NUBPL: variants seen among roughly 807,000 people sequenced by gnomAD.
NUBPL encodes iron-sulfur cluster transfer protein NUBPL.
A neutral mutation model predicts 45.7 loss-of-function variants in NUBPL; 31 were observed. The observed-to-expected ratio is 0.68, with a 90% CI of 0.51 to 0.92. The LOEUF (loss-of-function observed/expected upper bound fraction) is 0.92, where lower values mean the gene tolerates loss of function less well. NUBPL is among the 40% of genes least tolerant of loss of function. NUBPL has a pLI of 0.00. For missense variants in NUBPL, 401 were observed against 398.7 expected, an observed-to-expected ratio of 1.01 and a Z score of -0.05; for synonymous variants, 144 against 140.9, an observed-to-expected ratio of 1.02 and a Z score of -0.15.
intron 6 of NUBPL, among the ~76,000 whole-genome samples, chr14:31,712,552 G>C (rs977558397): frequency 6.6e-6 from 1 of 152,212 alleles, no homozygotes; most frequent in African/African-American, 2.4e-5. Context: ...AGCCAGCTCC[G>C]GCCTCGGCCA....
chr14:31,826,561 C>T, intron 7 of NUBPL, 68 bp from the exon 8 acceptor site: 1 of 1,383,574 alleles, frequency 7.2e-7, no homozygotes. Context: ...ATGTAAGCAA[C>T]ATAATGCTGG....
intron 4 of NUBPL, among the ~76,000 whole-genome samples, chr14:31,616,912 AT>A (rs563790502): frequency 5.3e-4 from 80 of 151,372 alleles, no homozygotes; most frequent in Non-Finnish European, 9.7e-4. Flanking sequence ...TGAGCATGGA[AT>A]TTTTTTTTCC....
chr14:31,746,029 C>T (rs369910417), intron 6 of NUBPL, among the ~76,000 whole-genome samples: 5 of 151,996 alleles, frequency 3.3e-5, no homozygotes, highest in Admixed American at 6.5e-5. Flanking sequence ...CCCCTCACCC[C>T]GCTCAGCTGA....
rs78323274 is a variant in NUBPL, at chr14:31,668,573, A to C, written c.383-4782A>C. Among the ~76,000 whole-genome samples the C allele has an allele frequency of 2.7e-3, 415 of 152,184 alleles. 3 individuals carry two copies. Among genetic ancestry groups the C allele is most frequent in the African/African-American group, 9.2e-3 (383 of 41,528 alleles). ...TTTCAGGGGAGTGAACGGTTCTGTCACACTGGGGTTCCAGGTGCCATTGGG... is the reference window on the plus strand; with the variant it reads ...TTTCAGGGGAGTGAACGGTTCTGTCCCACTGGGGTTCCAGGTGCCATTGGG... On this transcript the variant is annotated intron_variant, in intron 4 of 10. Transcript: ENST00000281081.
chr14:31,686,804 A>T (rs1452066969), intron 6 of NUBPL: 3 of 152,294 alleles, frequency 2.0e-5, no homozygotes, highest in Admixed American at 6.5e-5. Context: ...AGCACTTGGG[A>T]TCTGTCCATA....
chr14:31,614,220 A>C (rs2034837873), intron 4 of NUBPL, among the ~76,000 whole-genome samples: 1 of 152,220 alleles, frequency 6.6e-6, no homozygotes, highest in Non-Finnish European at 1.5e-5. Flanking sequence ...CAAACAAATA[A>C]ATGATTGTAT....
intron 6 of NUBPL, among the ~76,000 whole-genome samples, chr14:31,712,957 C>T (rs2037610732): frequency 6.6e-6 from 1 of 151,974 alleles, no homozygotes. Flanking sequence ...AGCAGGTGAC[C>T]ACTTAGGAAC....
At chr14:31,827,732 C>T (rs1009804737) in intron 8 of NUBPL, among the ~76,000 whole-genome samples, 2 of 152,094 alleles carry the variant, frequency 1.3e-5, no homozygotes, top group African/African-American at 4.8e-5. Context: ...AAATTGTATG[C>T]CTACAAGTAT....
intron 3 of NUBPL, among the ~76,000 whole-genome samples, chr14:31,574,528 G>GTGC (rs1264212417): frequency 2.0e-5 from 3 of 150,024 alleles, no homozygotes; most frequent in African/African-American, 7.4e-5. Context: ...GCCTCCCAAA[G>GTGC]TGCTGGGATT....
intron 8 of NUBPL, among the ~76,000 whole-genome samples, chr14:31,838,279 C>CAAAAAAAAAAAA (rs748313330): frequency 9.0e-4 from 54 of 60,238 alleles, no homozygotes; most frequent in African/African-American, 1.2e-3. Flanking sequence ...TAATATCCAG[C>CAAAAAAAAAAAA]AAAAAAAAAA....
Position 31,561,450 on chromosome 14 carries a change from G to C in NUBPL, c.11G>C (p.Trp4Ser). 7.1e-7 allele frequency: 1 copy of C among 1,416,790 alleles called. No homozygotes were observed. Among genetic ancestry groups the C allele is most frequent in the South Asian group, 1.7e-5 (1 of 58,632 alleles). The allele number at this position is 1,416,790 out of a possible 1,614,324, so 87.8% of individuals were successfully genotyped here. A position where few individuals can be genotyped will look rare whatever the true frequency, so the allele number is the denominator to read the frequency against. Reference protein sequence around the residue: MGIWQRLLLFGGVS... With the variant: MGISQRLLLFGGVS... ...GCAGCGTTCCGCGTCATGGGGATTT[G>C]GCAGCGTCTGCTGCTTTTTGGTGGG... is the stretch of plus-strand genomic sequence containing the variant. Residue 4 changes from tryptophan (W) to serine (S), a missense_variant, in exon 1 of 11, where the codon TGG becomes TCG. By Grantham distance (177) the Trp-to-Ser change is radical. Transcript: ENST00000281081.
intron 4 of NUBPL, among the ~76,000 whole-genome samples, chr14:31,653,904 G>A (rs1166373905): frequency 6.6e-6 from 1 of 152,194 alleles, no homozygotes; most frequent in Admixed American, 6.5e-5. Flanking sequence ...TTCCTCTGCT[G>A]CGGCTCCAGC....
At chr14:31,826,999 G>C (rs1261344021) in intron 8 of NUBPL, among the ~76,000 whole-genome samples, 1 of 152,084 alleles carries the variant, frequency 6.6e-6, no homozygotes, top group Non-Finnish European at 1.5e-5. Context: ...AATTACAAGA[G>C]TGTTTTAGGA....
intron 7 of NUBPL, among the ~76,000 whole-genome samples, chr14:31,817,098 T>G (rs762215725): frequency 1.3e-5 from 2 of 151,918 alleles, no homozygotes; most frequent in African/African-American, 2.4e-5. Context: ...AAGATCAACT[T>G]AATGAAATAA....
chr14:31,828,412 A>G (rs1271561577), intron 8 of NUBPL, among the ~76,000 whole-genome samples: 1 of 152,220 alleles, frequency 6.6e-6, no homozygotes, highest in Non-Finnish European at 1.5e-5. Flanking sequence ...CAGAAATTAG[A>G]TAACAGTGCC....
At chr14:31,777,905 G>A (rs903814937) in intron 6 of NUBPL, among the ~76,000 whole-genome samples, 11 of 152,220 alleles carry the variant, frequency 7.2e-5, no homozygotes, top group African/African-American at 2.7e-4. Context: ...GATGGCATGA[G>A]TGGTGAAGCA....
chr14:31,694,969 T>C (rs1284598825), intron 6 of NUBPL, among the ~76,000 whole-genome samples: 4 of 152,230 alleles, frequency 2.6e-5, no homozygotes, highest in Admixed American at 6.5e-5. Context: ...GCAAGAAATA[T>C]AGATATGCTA....
intron 4 of NUBPL, among the ~76,000 whole-genome samples, chr14:31,666,230 T>TAGATAG (rs1356990500): frequency 1.2e-4 from 1 of 8,084 alleles, no homozygotes; most frequent in Non-Finnish European, 3.6e-4. Context: ...ATATTTAAGA[T>TAGATAG]ATATATATAT....
chr14:31,701,908 ATAGATT>A (rs1431237586), intron 6 of NUBPL, among the ~76,000 whole-genome samples: 5 of 152,228 alleles, frequency 3.3e-5, no homozygotes, highest in Admixed American at 1.3e-4. Context: ...CTGTGAACAA[ATAGATT>A]TAGAGAGAAC....
Sources: allele counts gnomAD v4.1 joint callset (sites outside exome capture counted in the v4.1 genomes callset), GRCh38; gene constraint gnomAD v4.1.1; transcripts MANE v1.5; gene names NCBI Gene and HGNC (gene_info 2026-07-23, HGNC 2026-07-21).